The following MAPKAPK5 variants were observed in gnomAD, a reference collection of about 807,000 sequenced individuals.
The protein encoded by MAPKAPK5 is MAP kinase-activated protein kinase 5.
Under a neutral mutation model 65.1 loss-of-function variants are expected in MAPKAPK5, and 30 were observed. The observed-to-expected ratio is 0.46, with a 90% CI of 0.34 to 0.63. The LOEUF is 0.63. MAPKAPK5 is among the 20% of genes least tolerant of loss of function. The pLI, the probability that MAPKAPK5 is intolerant of heterozygous loss-of-function variation, is 0.01. For synonymous variants in MAPKAPK5, 179 were observed against 204.6 expected, an observed-to-expected ratio of 0.87 and a Z score of 1.07; for missense variants, 433 against 581.4, an observed-to-expected ratio of 0.74 and a Z score of 2.63.
At chr12:111,848,420 T>TTC (rs1195047532) in intron 1 of MAPKAPK5, among the ~76,000 whole-genome samples, 1 of 151,156 alleles carries the variant, frequency 6.6e-6, no homozygotes, top group Non-Finnish European at 1.5e-5. Context: ...CCATTTTTTT[T>TTC]TTTTTTTTTT....
intron 1 of MAPKAPK5, chr12:111,843,537 T>A (rs1179686519): frequency 3.0e-6 from 1 of 336,704 alleles, no homozygotes; most frequent in African/African-American, 2.1e-5. Flanking sequence ...ACATTGACGC[T>A]TAAAGTTTGA....
In MAPKAPK5 at chr12:111,883,658, C is replaced by T. The variant is rs778503124; in HGVS notation, c.738C>T (p.His246=). The T allele has an allele frequency of 1.2e-6, 2 of 1,613,882 alleles. No homozygotes were observed. Among genetic ancestry groups the T allele is most frequent in the South Asian group, 2.2e-5 (2 of 91,094 alleles). Residue 246 remains histidine (H), a synonymous_variant, in exon 9 of 14, where the codon CAC becomes CAT. Transcript: ENST00000550735. This position sits in a 1 kb window ranked among gnomAD's most constrained non-coding sequence, Gnocchi z 4.8. ...ACCCTCCTTTTTACTCCAAACACCACAGCCGGACTATCCCAAAGGATATGC... is the reference window on the plus strand; with the variant it reads ...ACCCTCCTTTTTACTCCAAACACCATAGCCGGACTATCCCAAAGGATATGC... ...CGYPPFYSKH[H]SRTIPKDMRR... is the part of the protein sequence containing the mutation.
At position 111,892,986 on chromosome 12, in the gene MAPKAPK5, A is replaced by G. The variant is rs769467481; in HGVS notation, c.1341A>G (p.Lys447=). ...FSWNGRGFTD[K]VDRLKLAEIV... The stretch of plus-strand genomic sequence containing the variant: ...TTTCAGGTCGTGGATTCACAGATAA[A>G]GTAGATCGACTAAAACTGGCAGAAA... The change falls in exon 14 of 14, where the codon AAA becomes AAG. Residue 447 remains lysine (K), a synonymous_variant. Coordinates refer to ENST00000550735, the MANE Select transcript of MAPKAPK5 (RefSeq NM_003668.4). 4 of 1,577,392 alleles carry G rather than the reference A, an allele frequency of 2.5e-6. No homozygotes were observed. The East Asian group carries it at 9.3e-5, about 37-fold the overall frequency.
intron 1 of MAPKAPK5, among the ~76,000 whole-genome samples, chr12:111,852,357 C>A (rs2069110579): frequency 6.6e-6 from 1 of 152,214 alleles, no homozygotes; most frequent in South Asian, 2.1e-4. Flanking sequence ...CCTTTTCTTT[C>A]TTTCCCTCAG....
intron 8 of MAPKAPK5, among the ~76,000 whole-genome samples, chr12:111,882,253 G>A (rs1431950431): frequency 6.6e-6 from 1 of 152,184 alleles, no homozygotes; most frequent in Non-Finnish European, 1.5e-5. Context: ...GGTGGCGGGC[G>A]CCTGTAGTCC....
At position 111,842,687 on chromosome 12, in the gene MAPKAPK5, C is replaced by T. The variant is rs546724296; in HGVS notation, c.-47C>T. 7.4e-7 allele frequency: 1 copy of T among 1,346,270 alleles called. No homozygotes were observed. The highest frequency in any genetic ancestry group is 9.6e-7 in the Non-Finnish European group (1 of 1,041,832). The allele number at this position is 1,346,270 out of a possible 1,614,324, so 83.4% of individuals were successfully genotyped here. ...CTCCCTCGGCCGCGCGGGGACAGGG[C>T]TGCTGAGCAGCCTCCGCCTCTCCCG... On this transcript the variant is annotated 5_prime_UTR_variant, in exon 1 of 14. Transcript: ENST00000550735.
intron 1 of MAPKAPK5, among the ~76,000 whole-genome samples, chr12:111,859,501 G>A (rs138515646): frequency 9.9e-4 from 151 of 152,204 alleles, no homozygotes; most frequent in African/African-American, 3.4e-3. Context: ...TCTTGACCTC[G>A]TGATCCTCCT....
In MAPKAPK5 at chr12:111,859,340, A is replaced by G. The variant is rs1346980129; in HGVS notation, c.37-5910A>G. 3.0e-5 allele frequency among the ~76,000 whole-genome samples: 4 copies of G among 134,344 alleles called. 1 individual carries two copies. The highest frequency in any genetic ancestry group is 4.9e-5 in the Non-Finnish European group (3 of 61,042). 88.1% of individuals were successfully genotyped at this position (134,344 alleles called of 152,430 possible). A position where few individuals can be genotyped will look rare whatever the true frequency, so the allele number is the denominator to read the frequency against. On this transcript the variant is annotated intron_variant, in intron 1 of 13. Transcript: ENST00000550735. ...TGTCACCAGGCTGGAGTGCAGTGGC[A>G]TGATCTCAGCTCATTGCAACCTCCG... is the stretch of plus-strand genomic sequence containing the variant.
At chr12:111,869,471 A>G (rs1208578080) in intron 5 of MAPKAPK5, among the ~76,000 whole-genome samples, 1 of 152,232 alleles carries the variant, frequency 6.6e-6, no homozygotes, top group Non-Finnish European at 1.5e-5. Context: ...CTCAAGGCTT[A>G]TCTTCATACC....
chr12:111,861,149 CTCCG>C (rs1386874535), intron 1 of MAPKAPK5, among the ~76,000 whole-genome samples: 1 of 151,104 alleles, frequency 6.6e-6, no homozygotes, highest in Non-Finnish European at 1.5e-5. Flanking sequence ...AAGAGCGAGA[CTCCG>C]TCTAAAAAAA....
Position 111,893,081 on chromosome 12 carries a change from T to G in MAPKAPK5, c.*20T>G, listed in dbSNP as rs1167289658. On this transcript the variant is annotated 3_prime_UTR_variant, in exon 14 of 14. Transcript: ENST00000550735. ...CAATAATGACAGCTTCAGACTTTGT[T>G]TTTTTAACAATTTGAAAAATTATTC... The G allele has an allele frequency of 1.3e-6, 2 of 1,506,852 alleles. No homozygotes were observed. The highest frequency in any genetic ancestry group is 2.3e-5 in the Admixed American group (1 of 44,242). 93.3% of individuals were successfully genotyped at this position (1,506,852 alleles called of 1,614,324 possible). A position where few individuals can be genotyped will look rare whatever the true frequency, so the allele number is the denominator to read the frequency against.
At chr12:111,862,750 G>A (rs548266754) in intron 1 of MAPKAPK5, among the ~76,000 whole-genome samples, 1 of 152,094 alleles carries the variant, frequency 6.6e-6, no homozygotes, top group Non-Finnish European at 1.5e-5. Context: ...TTTTACATCC[G>A]AGGGGTTGGG....
rs948067946 is a variant in MAPKAPK5, at chr12:111,883,569, T to C, written c.661-12T>C. The C allele has an allele frequency of 1.5e-5, 24 of 1,609,880 alleles. No individual in the cohort carries two copies. Among genetic ancestry groups the C allele is most frequent in the Non-Finnish European group, 2.0e-5 (23 of 1,178,084 alleles). On this transcript the variant is annotated splice_polypyrimidine_tract_variant and intron_variant, in intron 8 of 13. Transcript: ENST00000550735. This position sits in a 1 kb window ranked among gnomAD's most constrained non-coding sequence, Gnocchi z 4.8. ...TTCTGCTGTGAGTGACCATTTTCTT[T>C]TTTGCTTTCAGAGCTGTGACTTGTG...
rs1448632866 is a variant in MAPKAPK5, at chr12:111,865,201, G to A, written c.37-49G>A. The A allele has an allele frequency of 4.2e-6, 5 of 1,192,972 alleles. No individual in the cohort carries two copies. In the Admixed American group the frequency reaches 1.0e-4, roughly 24 times the overall value. The allele number at this position is 1,192,972 out of a possible 1,614,324, so 73.9% of individuals were successfully genotyped here. A position where few individuals can be genotyped will look rare whatever the true frequency, so the allele number is the denominator to read the frequency against. On this transcript the variant is annotated intron_variant, in intron 1 of 13. Transcript: ENST00000550735. ...TGTCCCATCTCTGCTTATTCAGTTTGTTAACTGAGGAATCATTCTCTGTCC... is the reference window on the plus strand; with the variant it reads ...TGTCCCATCTCTGCTTATTCAGTTTATTAACTGAGGAATCATTCTCTGTCC...
chr12:111,850,656 C>G (rs964006731), intron 1 of MAPKAPK5, among the ~76,000 whole-genome samples: 4 of 152,060 alleles, frequency 2.6e-5, no homozygotes, highest in African/African-American at 9.7e-5. Flanking sequence ...GACAAAAATG[C>G]CCTGTTCTGG....
At chr12:111,880,300 T>C (rs2070151203) in intron 7 of MAPKAPK5, 147 bp from the exon 8 acceptor site, 6 of 652,152 alleles carry the variant, frequency 9.2e-6, no homozygotes, top group Non-Finnish European at 1.6e-5. Flanking sequence ...AAAACGTTTT[T>C]GGAAGTGTAG....
At chr12:111,878,188 G>A (rs184053084) in intron 7 of MAPKAPK5, among the ~76,000 whole-genome samples, 5 of 151,838 alleles carry the variant, frequency 3.3e-5, no homozygotes, top group Non-Finnish European at 7.4e-5. Flanking sequence ...ACTTTTTTAA[G>A]GCCTGTGCTT....
At chr12:111,879,924 G>A (rs1234840406) in intron 7 of MAPKAPK5, 2 of 168,776 alleles carry the variant, frequency 1.2e-5, no homozygotes, top group African/African-American at 4.8e-5. Flanking sequence ...TCAGCATCCT[G>A]TGACTTTTCA....
intron 5 of MAPKAPK5, among the ~76,000 whole-genome samples, chr12:111,869,839 G>C (rs904614725): frequency 1.3e-5 from 2 of 152,224 alleles, no homozygotes; most frequent in East Asian, 3.8e-4. Context: ...AACCCAGTCA[G>C]CTGATTTCTT....
Sources: gnomAD v4.1 joint callset for allele counts (sites outside exome capture counted in the v4.1 genomes callset) on GRCh38, gnomAD v4.1.1 for gene constraint, Gnocchi (gnomAD v3.1) non-coding constraint, MANE v1.5 for transcripts, NCBI Gene and HGNC (gene_info 2026-07-23, HGNC 2026-07-21) for gene names.